TOGARAM1: variants seen among roughly 807,000 people sequenced by gnomAD.
The protein encoded by TOGARAM1 is TOG array regulator of axonemal microtubules 1.
TOGARAM1 carries 100 observed loss-of-function variants against 166.6 expected under a neutral mutation model. That is an observed-to-expected ratio of 0.60 (90% CI 0.51 to 0.71). TOGARAM1 has a LOEUF of 0.71. TOGARAM1 is among the 30% of genes least tolerant of loss of function. The probability of loss-of-function intolerance (pLI) is 0.00; values close to 1 mark genes in which losing one functional copy is unlikely to be tolerated. For synonymous variants in TOGARAM1, 758 were observed against 763.8 expected, an observed-to-expected ratio of 0.99 and a Z score of 0.13; for missense variants, 2,029 against 2,102.7, an observed-to-expected ratio of 0.96 and a Z score of 0.69.
At chr14:45,018,886 GT>G (rs1880319314) in intron 7 of TOGARAM1, among the ~76,000 whole-genome samples, 2 of 152,234 alleles carry the variant, frequency 1.3e-5, no homozygotes, top group South Asian at 4.2e-4. Flanking sequence ...TGAAATAACT[GT>G]TGAATATGTT....
Position 45,028,185 on chromosome 14 carries a change from T to C in TOGARAM1, c.3514T>C (p.Ser1172Pro), listed in dbSNP as rs1331693754. The C allele has an allele frequency of 6.4e-7, 1 of 1,570,732 alleles. No individual in the cohort carries two copies. The highest frequency in any genetic ancestry group is 2.1e-5 in the Admixed American group (1 of 46,904). Reference sequence around the variant, plus strand: ...CAACTTTTTCATGCAGGCTAAAGTTTCTATTTCTAAATCTACTTATAACAA... The same window carrying C: ...CAACTTTTTCATGCAGGCTAAAGTTCCTATTTCTAAATCTACTTATAACAA... ...DVENEKDAKV[S>P]ISKSTYNKMR... The change falls in exon 10 of 20, where the codon TCT becomes CCT. Residue 1172 changes from serine (S) to proline (P), a missense_variant. This residue lies in a region of TOGARAM1 where 1,453 missense variants were observed against 1,432.2 expected (regional missense o/e 1.01). Coordinates refer to ENST00000361462, the MANE Select transcript of TOGARAM1 (RefSeq NM_001308120.2).
At position 44,963,692 on chromosome 14, in the gene TOGARAM1, G is replaced by T. The variant is rs752376719; in HGVS notation, c.1271G>T (p.Arg424Leu). 5 of 1,613,644 alleles carry T rather than the reference G, an allele frequency of 3.1e-6. No homozygotes were observed. Among genetic ancestry groups the T allele is most frequent in the Non-Finnish European group, 4.2e-6 (5 of 1,180,046 alleles). The change falls in exon 1 of 20, where the codon CGC becomes CTC. Residue 424 changes from arginine to leucine, a missense_variant. Physicochemically the swap from Arg to Leu is moderately radical, Grantham distance 102. This residue lies in a region of TOGARAM1 where 1,453 missense variants were observed against 1,432.2 expected (regional missense o/e 1.01). Coordinates refer to ENST00000361462, the MANE Select transcript of TOGARAM1 (RefSeq NM_001308120.2). ...TLEVLHLLVI[R>L]LGEQVQQFLG... Reference sequence around the variant, plus strand: ...GAAGTCCTGCATTTACTGGTTATTCGCCTTGGAGAGCAGGTACAGCAGTTC... The same window carrying T: ...GAAGTCCTGCATTTACTGGTTATTCTCCTTGGAGAGCAGGTACAGCAGTTC...
chr14:44,976,164 A>G (rs183454952), intron 1 of TOGARAM1, among the ~76,000 whole-genome samples: 1 of 152,152 alleles, frequency 6.6e-6, no homozygotes, highest in South Asian at 2.1e-4. Context: ...TGGCTCCAAC[A>G]ATCTTCAAGA....
intron 3 of TOGARAM1, among the ~76,000 whole-genome samples, chr14:45,000,877 A>G (rs1887662904): frequency 6.6e-6 from 1 of 151,972 alleles, no homozygotes; most frequent in African/African-American, 2.4e-5. Flanking sequence ...GGGACTACAG[A>G]TATACACTAC....
At chr14:45,037,672 C>G (rs960289174) in intron 11 of TOGARAM1, among the ~76,000 whole-genome samples, 3 of 152,094 alleles carry the variant, frequency 2.0e-5, no homozygotes, top group African/African-American at 7.2e-5. Flanking sequence ...AAATAAATCT[C>G]TAATTATAAT....
rs1879848086 is a variant in TOGARAM1, at chr14:45,012,192, C to T, written c.3238+117C>T. On this transcript the variant is annotated intron_variant, in intron 7 of 19. Transcript: ENST00000361462. The stretch of plus-strand genomic sequence containing the variant: ...GTTGTGCATACTGGTTAAGACTAAT[C>T]ATTTTTTTACTCCTTAAAAGGTCCT... 3 of 586,258 alleles carry T rather than the reference C, an allele frequency of 5.1e-6. No homozygotes were observed. The Admixed American group carries it at 1.1e-4, about 21-fold the overall frequency. 36.3% of individuals were successfully genotyped at this position (586,258 alleles called of 1,614,324 possible).
At chr14:45,028,436 T>C in intron 10 of TOGARAM1, 107 bp downstream of exon 10, 1 of 1,203,888 alleles carries the variant, frequency 8.3e-7, no homozygotes, top group Admixed American at 2.6e-5. Context: ...AAATATCTTA[T>C]ATAACACCGA....
chr14:45,060,732 C>T (rs1013842771), intron 16 of TOGARAM1, among the ~76,000 whole-genome samples: 2 of 152,112 alleles, frequency 1.3e-5, no homozygotes, highest in African/African-American at 4.8e-5. Flanking sequence ...AGATATTTCT[C>T]AAGTTGGGTT....
rs181575685 is a variant in TOGARAM1 at position 45,022,060 on chromosome 14, C to T, written c.3239-3723C>T. On this transcript the variant is annotated intron_variant, in intron 7 of 19. Coordinates refer to ENST00000361462, the MANE Select transcript of TOGARAM1 (RefSeq NM_001308120.2). ...TTTTTTAGATGTTGTTTGAGTGTTT[C>T]GTTCATTTTCTCGACCTTCCCCGAG... Among the ~76,000 whole-genome samples the T allele has an allele frequency of 7.2e-5, 11 of 151,986 alleles. No homozygotes were observed. The East Asian group carries it at 1.4e-3, about 19-fold the overall frequency.
At chr14:45,025,697 TA>T in intron 7 of TOGARAM1, 85 bp from the exon 8 acceptor site, 1 of 702,838 alleles carries the variant, frequency 1.4e-6, no homozygotes, top group South Asian at 1.9e-5. Flanking sequence ...TTTTCAGTTT[TA>T]AAAGACTATG....
chr14:45,028,313 G>A lies in TOGARAM1; in HGVS notation c.3642G>A (p.Glu1214=). The change falls in exon 10 of 20, where the codon GAG becomes GAA. Residue 1214 remains glutamate, a synonymous_variant. Transcript: ENST00000361462. ...SWERMRHTGT[E]KMASESETPT... ...AACGAATGAGACATACAGGAACTGA[G>A]AAAATGGCATCTGAAAGTAAGTGGA... 6.3e-7 allele frequency: 1 copy of A among 1,583,770 alleles called. No homozygotes were observed. The highest frequency in any genetic ancestry group is 8.5e-7 in the Non-Finnish European group (1 of 1,172,308).
At position 45,028,177 on chromosome 14, in the gene TOGARAM1, C is replaced by G; in HGVS notation, c.3506C>G (p.Ala1169Gly). ...SYLDVENEKD[A>G]KVSISKSTYN... Reference sequence around the variant, plus strand: ...CAGACTTTCAACTTTTTCATGCAGGCTAAAGTTTCTATTTCTAAATCTACT... The same window carrying G: ...CAGACTTTCAACTTTTTCATGCAGGGTAAAGTTTCTATTTCTAAATCTACT... The change falls in exon 10 of 20, where the codon GCT becomes GGT. Residue 1169 changes from alanine (A) to glycine (G), a missense_variant and splice_region_variant. Physicochemically the swap from Ala to Gly is moderately conservative, Grantham distance 60 (BLOSUM62 0). Coordinates refer to ENST00000361462, the MANE Select transcript of TOGARAM1 (RefSeq NM_001308120.2). 1 of 1,566,120 alleles carries G rather than the reference C, an allele frequency of 6.4e-7. No individual in the cohort carries two copies. The highest frequency in any genetic ancestry group is 2.0e-4 in the Middle Eastern group (1 of 4,968).
rs1421282585 is a variant in TOGARAM1, at chr14:45,043,618, G to A, written c.3813-68G>A. ...GCAATATTCCATACACAGAAAATAA[G>A]ACATTTGTGATCCTGTTCCAGTTGA... On this transcript the variant is annotated intron_variant, in intron 11 of 19. Transcript: ENST00000361462. 5.6e-6 allele frequency: 5 copies of A among 885,066 alleles called. No individual in the cohort carries two copies. The East Asian group carries it at 9.7e-5, about 17-fold the overall frequency. The allele number at this position is 885,066 out of a possible 1,614,324, so 54.8% of individuals were successfully genotyped here.
chr14:45,052,640 A>G (rs1863808714), intron 15 of TOGARAM1, 78 bp downstream of exon 15: 1 of 1,304,680 alleles, frequency 7.7e-7, no homozygotes, highest in Non-Finnish European at 1.0e-6. Context: ...GATAGGAATA[A>G]TTATTTATTT....
chr14:44,998,319 T>C (rs1301537532), intron 2 of TOGARAM1, among the ~76,000 whole-genome samples: 1 of 152,198 alleles, frequency 6.6e-6, no homozygotes, highest in African/African-American at 2.4e-5. Flanking sequence ...TAATGCTTGA[T>C]TGGATGATAT....
At chr14:45,036,016 G>A (rs1232530727) in intron 11 of TOGARAM1, among the ~76,000 whole-genome samples, 2 of 149,796 alleles carry the variant, frequency 1.3e-5, no homozygotes, top group African/African-American at 4.9e-5. Flanking sequence ...TGTAGTCCCA[G>A]CTAATCAGGA....
At chr14:44,978,882 T>G (rs1886367059) in intron 1 of TOGARAM1, among the ~76,000 whole-genome samples, 1 of 151,160 alleles carries the variant, frequency 6.6e-6, no homozygotes, top group African/African-American at 2.4e-5. Flanking sequence ...GCCTGTAGTC[T>G]CAGCTCCTCA....
chr14:45,053,233 G>A (rs1406457003), intron 15 of TOGARAM1, among the ~76,000 whole-genome samples: 1 of 151,916 alleles, frequency 6.6e-6, no homozygotes, highest in African/African-American at 2.4e-5. Flanking sequence ...TAGAGACGGG[G>A]TTTCACCATG....
chr14:45,050,816 T>C (rs986318391), intron 14 of TOGARAM1, among the ~76,000 whole-genome samples: 1 of 152,064 alleles, frequency 6.6e-6, no homozygotes, highest in African/African-American at 2.4e-5. Flanking sequence ...GGTTTCACCA[T>C]GTTGGCCAGG....
Sources: gnomAD v4.1 joint callset for allele counts (sites outside exome capture counted in the v4.1 genomes callset) on GRCh38, gnomAD v4.1.1 for gene constraint, gnomAD v4.1.1 regional missense constraint, MANE v1.5 for transcripts, NCBI Gene and HGNC (gene_info 2026-07-23, HGNC 2026-07-21) for gene names.